TRMT10B: variants seen among roughly 807,000 people sequenced by gnomAD.
TRMT10B encodes the protein tRNA methyltransferase 10B, also known as tRNA methyltransferase 10 homolog B.
TRMT10B carries 33 observed loss-of-function variants against 43.8 expected under a neutral mutation model. That is an observed-to-expected ratio of 0.75 (90% CI 0.57 to 1.01). TRMT10B has a LOEUF of 1.01. TRMT10B is among the 50% of genes least tolerant of loss of function. The probability of loss-of-function intolerance (pLI) is 0.00; values close to 1 mark genes in which losing one functional copy is unlikely to be tolerated. For missense variants in TRMT10B, 362 were observed against 369.8 expected (o/e 0.98, Z 0.17); for synonymous variants, 137 against 130.6 (o/e 1.05, Z -0.34).
chr9:37,764,346 GA>G, intron 4 of TRMT10B, among the ~76,000 whole-genome samples: 1 of 121,632 alleles, frequency 8.2e-6, no homozygotes, highest in African/African-American at 3.6e-5. Flanking sequence ...TTTGGAGACA[GA>G]GTCTCACTCT....
At chr9:37,774,012 T>C (rs1051561494) in intron 7 of TRMT10B, among the ~76,000 whole-genome samples, 5 of 150,462 alleles carry the variant, frequency 3.3e-5, no homozygotes, top group Admixed American at 2.0e-4. Flanking sequence ...TAGTCTTACC[T>C]GCAGCAGGGT....
In TRMT10B at chr9:37,770,680, G is replaced by C; in HGVS notation, c.661G>C (p.Asp221His). The part of the protein sequence containing the change: ...LTPDSEHALE[D>H]VDLNKVYILG... ...CTTCATTTTTTCATTAGCTCTTGAA[G>C]ATGTTGATCTAAACAAAGTTTACAT... is the stretch of plus-strand genomic sequence containing the variant. Residue 221 changes from aspartate (D) to histidine (H), a missense_variant, in exon 7 of 9, where the codon GAT becomes CAT. Transcript: ENST00000297994. The C allele has an allele frequency of 6.2e-7, 1 of 1,613,762 alleles. No individual in the cohort carries two copies. Among genetic ancestry groups the C allele is most frequent in the Non-Finnish European group, 8.5e-7 (1 of 1,179,962 alleles).
At chr9:37,771,599 C>T (rs1827588979) in intron 7 of TRMT10B, among the ~76,000 whole-genome samples, 1 of 152,178 alleles carries the variant, frequency 6.6e-6, no homozygotes, top group African/African-American at 2.4e-5. Context: ...GGGCTACTTA[C>T]AGAAGAATGC....
rs73447228 is a variant in TRMT10B, at chr9:37,754,803, G to A, written c.-30+951G>A. Among the ~76,000 whole-genome samples the A allele has an allele frequency of 4.3e-3, 653 of 152,266 alleles. 5 individuals are homozygous for A. Among genetic ancestry groups the A allele is most frequent in the African/African-American group, 0.015 (613 of 41,552 alleles). The stretch of plus-strand genomic sequence containing the variant: ...CCATAATTGGAGGCTCAGAAAAGAT[G>A]TTTAATGAAGAAATGAAAAATAAAT... On this transcript the variant is annotated intron_variant, in intron 1 of 8. Transcript: ENST00000297994.
intron 1 of TRMT10B, among the ~76,000 whole-genome samples, chr9:37,758,241 A>G (rs1443509013): frequency 6.6e-6 from 1 of 151,996 alleles, no homozygotes; most frequent in Non-Finnish European, 1.5e-5. Flanking sequence ...GTGAAACCCT[A>G]CCTCTACTAA....
chr9:37,761,996 G>T lies in TRMT10B; in HGVS notation c.65G>T (p.Gly22Val), dbSNP rs540910710. Residue 22 changes from glycine (G) to valine (V), a missense_variant, in exon 2 of 9, where the codon GGC becomes GTC. Physicochemically the swap from Gly to Val is moderately radical, Grantham distance 109. Coordinates refer to ENST00000297994, the MANE Select transcript of TRMT10B (RefSeq NM_144964.4). ...TCACCTGTGCTGCAGGGGCAAGAAG[G>T]CATCCTAGAGGAGACAGGTGAAGAT... The part of the protein sequence containing the change: ...VESPVLQGQE[G>V]ILEETGEDGL... 9 of 1,613,934 alleles carry T rather than the reference G, an allele frequency of 5.6e-6. No individual in the cohort carries two copies. The highest frequency in any genetic ancestry group is 7.6e-6 in the Non-Finnish European group (9 of 1,179,962).
At chr9:37,763,605 T>A in intron 3 of TRMT10B, 24 bp from the exon 4 acceptor site, 1 of 1,602,444 alleles carries the variant, frequency 6.2e-7, no homozygotes, top group Non-Finnish European at 8.5e-7. Context: ...CCACTTTTAT[T>A]TCTTTCTGAT....
At chr9:37,754,356 A>AT (rs1825369055) in intron 1 of TRMT10B, among the ~76,000 whole-genome samples, 1 of 152,194 alleles carries the variant, frequency 6.6e-6, no homozygotes, top group Non-Finnish European at 1.5e-5. Flanking sequence ...GGTAAAGAGA[A>AT]CGGCGAATGT....
chr9:37,763,673 A>T lies in TRMT10B; in HGVS notation c.340A>T (p.Lys114Ter). The change falls in exon 4 of 9, where the codon AAA becomes TAA. Residue 114 changes from lysine to a stop codon, truncating the protein, a stop_gained. Coordinates refer to ENST00000297994, the MANE Select transcript of TRMT10B (RefSeq NM_144964.4). LOFTEE classifies it high-confidence loss of function. ...HSKRFLRALT[K>*]DKLLEAKHSG... ...CAAACGTTTCCTGAGAGCTCTAACC[A>T]AAGACAAACTTTTGGAAGCCAAACA... 1 of 1,614,182 alleles carries T rather than the reference A, an allele frequency of 6.2e-7. No individual in the cohort carries two copies. The highest frequency in any genetic ancestry group is 2.2e-5 in the East Asian group (1 of 44,884).
intron 2 of TRMT10B, 75 bp downstream of exon 2, chr9:37,762,192 T>C: frequency 7.0e-7 from 1 of 1,430,086 alleles, no homozygotes; most frequent in Non-Finnish European, 9.4e-7. Flanking sequence ...TAAAGATGGA[T>C]ACTGGTAGTG....
At position 37,762,108 on chromosome 9, in the gene TRMT10B, A is replaced by G. The variant is rs1826405171; in HGVS notation, c.177A>G (p.Ala59=). The G allele has an allele frequency of 6.2e-7, 1 of 1,613,368 alleles. No individual in the cohort carries two copies. Among genetic ancestry groups the G allele is most frequent in the East Asian group, 2.2e-5 (1 of 44,870 alleles). Residue 59 remains alanine (A), a synonymous_variant, in exon 2 of 9, where the codon GCA becomes GCG. Transcript: ENST00000297994. ...EGEILATGST[A]WCSKNVQRKQ... ...AGATCCTGGCCACAGGCAGTACGGC[A>G]TGGTGCTCGGTGAGTGCGTGAATTG...
chr9:37,759,836 G>A (rs183388545), intron 1 of TRMT10B, among the ~76,000 whole-genome samples: 4 of 152,186 alleles, frequency 2.6e-5, no homozygotes, highest in East Asian at 1.9e-4. Context: ...AACTTTCTGC[G>A]GTGATGGAAA....
chr9:37,774,023 G>A (rs1827872098), intron 7 of TRMT10B, among the ~76,000 whole-genome samples: 1 of 151,726 alleles, frequency 6.6e-6, no homozygotes, highest in South Asian at 2.1e-4. Flanking sequence ...GCAGCAGGGT[G>A]ACAGCGCCCC....
intron 8 of TRMT10B, among the ~76,000 whole-genome samples, chr9:37,777,194 C>CAAAAAAAAAAAA (rs11306620): frequency 4.3e-4 from 13 of 29,984 alleles, no homozygotes; most frequent in African/African-American, 1.7e-3. Flanking sequence ...AACTCCGCCT[C>CAAAAAAAAAAAA]AAAAAAAAAA....
intron 5 of TRMT10B, among the ~76,000 whole-genome samples, chr9:37,768,788 G>T (rs1201748815): frequency 6.6e-6 from 1 of 152,214 alleles, no homozygotes; most frequent in African/African-American, 2.4e-5. Flanking sequence ...TGTGAAGGGT[G>T]CATTGCGCGG....
At chr9:37,765,407 GT>G (rs935143808) in intron 4 of TRMT10B, among the ~76,000 whole-genome samples, 4 of 152,150 alleles carry the variant, frequency 2.6e-5, no homozygotes, top group Non-Finnish European at 4.4e-5. Context: ...CTTCATCCAT[GT>G]CCCTACAAAG....
At chr9:37,773,974 A>AC (rs1827864356) in intron 7 of TRMT10B, among the ~76,000 whole-genome samples, 2 of 144,610 alleles carry the variant, frequency 1.4e-5, no homozygotes, top group South Asian at 2.1e-4. Flanking sequence ...AAAAAAAAAA[A>AC]CAACAATAAT....
intron 1 of TRMT10B, among the ~76,000 whole-genome samples, chr9:37,760,548 C>T (rs188098041): frequency 6.6e-6 from 1 of 152,158 alleles, no homozygotes. Flanking sequence ...CTGATTTAAG[C>T]GATTTGAATT....
Position 37,768,068 on chromosome 9 carries a change from CTT to C in TRMT10B, c.421-6_421-5del. 1 of 1,612,676 alleles carries C rather than the reference CTT, an allele frequency of 6.2e-7. No homozygotes were observed. The highest frequency in any genetic ancestry group is 8.5e-7 in the Non-Finnish European group (1 of 1,179,348). On this transcript the variant is annotated splice_region_variant and splice_polypyrimidine_tract_variant and intron_variant, in intron 4 of 8. Transcript: ENST00000297994. ...TTTTTGCCCTGAGTTGTTCTTATTTCTTTGAAGGAATTAAGTAGACTGGCTGG... is the reference window on the plus strand; with the variant it reads ...TTTTTGCCCTGAGTTGTTCTTATTTCTGAAGGAATTAAGTAGACTGGCTGG...
Sources: gnomAD v4.1 joint callset for allele counts (sites outside exome capture counted in the v4.1 genomes callset) on GRCh38, gnomAD v4.1.1 for gene constraint, MANE v1.5 for transcripts, NCBI Gene and HGNC (gene_info 2026-07-23, HGNC 2026-07-21) for gene names.